Variants in RALGPS1 observed in about 807,000 individuals in gnomAD.
RALGPS1 encodes ras-specific guanine nucleotide-releasing factor RalGPS1.
A neutral mutation model predicts 78.8 loss-of-function variants in RALGPS1; 19 were observed. That is an observed-to-expected ratio of 0.24 (90% CI 0.17 to 0.35). RALGPS1 has a LOEUF of 0.35. Among genes scored for constraint, RALGPS1 ranks in the 10% least tolerant of loss-of-function variants. The probability of loss-of-function intolerance (pLI) is 1.00; values close to 1 mark genes in which losing one functional copy is unlikely to be tolerated. For missense variants in RALGPS1, 454 were observed against 688.3 expected (o/e 0.66, Z 3.81); for synonymous variants, 228 against 256.3 (o/e 0.89, Z 1.06).
chr9:126,923,721 A>G (rs1476008238), intron 1 of RALGPS1, among the ~76,000 whole-genome samples: 1 of 152,172 alleles, frequency 6.6e-6, no homozygotes, highest in Non-Finnish European at 1.5e-5. Flanking sequence ...TGCAGTGGCT[A>G]TTCACAGGTG....
At chr9:126,984,459 A>T (rs904643099) in intron 4 of RALGPS1, among the ~76,000 whole-genome samples, 2 of 152,194 alleles carry the variant, frequency 1.3e-5, no homozygotes, top group Non-Finnish European at 2.9e-5. Context: ...CTACTTGTAC[A>T]TACTTAATTC....
intron 3 of RALGPS1, among the ~76,000 whole-genome samples, chr9:126,972,540 T>G (rs2040215942): frequency 6.6e-6 from 1 of 152,240 alleles, no homozygotes; most frequent in Admixed American, 6.5e-5. Flanking sequence ...AGAGCCATTG[T>G]GTGCCTCCTG....
At chr9:127,014,364 T>C (rs2044625006) in intron 4 of RALGPS1, among the ~76,000 whole-genome samples, 1 of 152,154 alleles carries the variant, frequency 6.6e-6, no homozygotes, top group Non-Finnish European at 1.5e-5. Flanking sequence ...ACACCAGCCA[T>C]CTGTAGCCAT....
intron 4 of RALGPS1, among the ~76,000 whole-genome samples, chr9:126,986,192 G>A (rs1296986171): frequency 6.6e-6 from 1 of 152,222 alleles, no homozygotes; most frequent in African/African-American, 2.4e-5. Flanking sequence ...GGCAGACGGT[G>A]AGTTAAGGAT....
In RALGPS1 at chr9:127,215,038, C is replaced by T. The variant is rs144302027; in HGVS notation, c.1644+196C>T. ...CTTAGAACTAAGCCCAGCTCCAGAC[C>T]AGAACTTTGAATCTGGTTCCTGTGT... On this transcript the variant is annotated intron_variant, in intron 18 of 18. Transcript: ENST00000259351. 4.0e-3 allele frequency among the ~76,000 whole-genome samples: 611 copies of T among 152,308 alleles called. 5 individuals carry two copies. The highest frequency in any genetic ancestry group is 0.014 in the African/African-American group (587 of 41,558).
intron 8 of RALGPS1, among the ~76,000 whole-genome samples, chr9:127,130,992 T>C (rs2056967581): frequency 6.6e-6 from 1 of 152,248 alleles, no homozygotes; most frequent in Non-Finnish European, 1.5e-5. Context: ...TATTTATTCT[T>C]GTTATGTTTC....
At chr9:126,957,374 T>G (rs1222605101) in intron 1 of RALGPS1, among the ~76,000 whole-genome samples, 1 of 144,598 alleles carries the variant, frequency 6.9e-6, no homozygotes, top group African/African-American at 2.4e-5. Flanking sequence ...GAGCTCCATG[T>G]CTGGGCTCCC....
At chr9:126,940,913 C>T (rs895772311) in intron 1 of RALGPS1, among the ~76,000 whole-genome samples, 1 of 152,124 alleles carries the variant, frequency 6.6e-6, no homozygotes, top group African/African-American at 2.4e-5. Flanking sequence ...CTGTGCTGCT[C>T]ATAAATGTTT....
intron 1 of RALGPS1, among the ~76,000 whole-genome samples, chr9:126,921,269 G>A (rs190107348): frequency 3.3e-4 from 50 of 152,354 alleles, no homozygotes; most frequent in Middle Eastern, 3.4e-3. Flanking sequence ...GGAGTCCTCA[G>A]GACCTTCCTC....
chr9:127,085,169 A>G (rs1027651877), intron 8 of RALGPS1, among the ~76,000 whole-genome samples: 5 of 152,172 alleles, frequency 3.3e-5, no homozygotes, highest in African/African-American at 1.2e-4. Flanking sequence ...CCCTGTTCAC[A>G]CAAGCCCAGC....
Position 127,019,616 on chromosome 9 carries a change from C to T in RALGPS1, c.217-14815C>T, listed in dbSNP as rs1479729680. Among the ~76,000 whole-genome samples, 5 of 152,078 alleles carry T rather than the reference C, an allele frequency of 3.3e-5. 1 individual carries two copies. The highest frequency in any genetic ancestry group is 9.7e-5 in the African/African-American group (4 of 41,386). ...TGCTGGGATTACAGGTGTGAGCAAC[C>T]GCGCCTGGCTGCTGTTCATTATTTT... is the stretch of plus-strand genomic sequence containing the variant. On this transcript the variant is annotated intron_variant, in intron 4 of 18. Transcript: ENST00000259351.
At chr9:127,145,127 C>G (rs1192152002) in intron 8 of RALGPS1, among the ~76,000 whole-genome samples, 4 of 152,182 alleles carry the variant, frequency 2.6e-5, no homozygotes, top group Non-Finnish European at 5.9e-5. Context: ...GACACTCCAG[C>G]TGGGTTGTAT....
chr9:127,043,989 T>C (rs1277958516), intron 5 of RALGPS1, among the ~76,000 whole-genome samples: 2 of 152,250 alleles, frequency 1.3e-5, no homozygotes, highest in Non-Finnish European at 2.9e-5. Flanking sequence ...CTGGTGGGAA[T>C]GTGAAATGAG....
chr9:127,157,572 T>C (rs2058771338), intron 8 of RALGPS1, among the ~76,000 whole-genome samples: 1 of 152,096 alleles, frequency 6.6e-6, no homozygotes, highest in Admixed American at 6.5e-5. Flanking sequence ...CATTTCTAAG[T>C]TTATTCCTAG....
intron 5 of RALGPS1, among the ~76,000 whole-genome samples, chr9:127,037,760 A>G (rs1289131750): frequency 1.3e-5 from 2 of 152,252 alleles, no homozygotes; most frequent in Non-Finnish European, 2.9e-5. Flanking sequence ...CAGTAGCTCT[A>G]TCTGATGCCC....
intron 8 of RALGPS1, among the ~76,000 whole-genome samples, chr9:127,103,594 G>A (rs139496742): frequency 6.6e-6 from 1 of 152,194 alleles, no homozygotes. Context: ...TCAGGTGCAC[G>A]TTGTACTTTC....
chr9:127,066,321 G>C (rs1375152893), intron 7 of RALGPS1, among the ~76,000 whole-genome samples: 1 of 152,190 alleles, frequency 6.6e-6, no homozygotes, highest in Non-Finnish European at 1.5e-5. Context: ...CCTGAATAAG[G>C]GGCGTGAGTG....
At chr9:127,104,205 C>G (rs2054003331) in intron 8 of RALGPS1, among the ~76,000 whole-genome samples, 2 of 152,200 alleles carry the variant, frequency 1.3e-5, no homozygotes, top group South Asian at 4.1e-4. Flanking sequence ...AAAGTGCTCA[C>G]TCCTTTTGGT....
intron 8 of RALGPS1, among the ~76,000 whole-genome samples, chr9:127,075,122 C>T (rs1467723175): frequency 1.3e-5 from 2 of 152,216 alleles, no homozygotes; most frequent in Non-Finnish European, 2.9e-5. Context: ...TCAGCTGCTG[C>T]TTCCTGGCAG....
Sources: allele counts gnomAD v4.1 joint callset (sites outside exome capture counted in the v4.1 genomes callset), GRCh38; gene constraint gnomAD v4.1.1; transcripts MANE v1.5; gene names NCBI Gene and HGNC (gene_info 2026-07-23, HGNC 2026-07-21).